CEP89: variants seen among roughly 807,000 people sequenced by gnomAD.
CEP89 encodes centrosomal protein 89.
CEP89 carries 95 observed loss-of-function variants against 97.6 expected under a neutral mutation model. That is an observed-to-expected ratio of 0.97 (90% confidence interval 0.82 to 1.15). CEP89 has a LOEUF of 1.15. CEP89 is among the 50% of genes most tolerant of loss of function. CEP89 has a pLI of 0.00. For missense variants in CEP89, 869 were observed against 947.7 expected, an observed-to-expected ratio of 0.92 and a Z score of 1.09; for synonymous variants, 354 against 349.1, an observed-to-expected ratio of 1.01 and a Z score of -0.16.
At chr19:32,905,492 T>G (rs1284267923) in intron 14 of CEP89, among the ~76,000 whole-genome samples, 1 of 25,524 alleles carries the variant, frequency 3.9e-5, no homozygotes, top group African/African-American at 1.3e-4. Flanking sequence ...CAAAGGAAGA[T>G]TTTTTTTTTT....
intron 3 of CEP89, 61 bp from the exon 4 acceptor site, chr19:32,953,862 A>C: frequency 9.1e-7 from 1 of 1,094,882 alleles, no homozygotes; most frequent in Non-Finnish European, 1.3e-6. Flanking sequence ...GACACTGATA[A>C]ATATCTTTTT....
chr19:32,908,592 G>A (rs1969937530), intron 14 of CEP89, among the ~76,000 whole-genome samples: 1 of 152,226 alleles, frequency 6.6e-6, no homozygotes, highest in Non-Finnish European at 1.5e-5. Context: ...GTAGGAAACT[G>A]AGTGTTTTTG....
intron 2 of CEP89, among the ~76,000 whole-genome samples, chr19:32,961,742 C>G (rs1183836688): frequency 6.6e-6 from 1 of 151,980 alleles, no homozygotes; most frequent in Non-Finnish European, 1.5e-5. Flanking sequence ...CTCCTGGGCT[C>G]AAGTGATCCT....
chr19:32,923,347 AATGTAATTATGT>A (rs755695898), intron 12 of CEP89, 80 bp downstream of exon 12: 240 of 620,478 alleles, frequency 3.9e-4, no homozygotes, highest in Non-Finnish European at 6.3e-4. Flanking sequence ...TTTAGTTAAG[AATGTAATTATGT>A]ATTTGATAAT....
Position 32,959,032 on chromosome 19 carries a change from CA to C in CEP89, c.305+867del, listed in dbSNP as rs1319868364. 3.6e-3 allele frequency among the ~76,000 whole-genome samples: 454 copies of C among 127,690 alleles called. 5 individuals carry two copies. The highest frequency in any genetic ancestry group is 0.012 in the African/African-American group (420 of 33,682). 83.8% of individuals were successfully genotyped at this position (127,690 alleles called of 152,430 possible). A position where few individuals can be genotyped will look rare whatever the true frequency, so the allele number is the denominator to read the frequency against. ...AATTCTGTCTCAAAACAAAACAAAA[CA>C]AAACAAACAAAACAAAAAAAAAAAA... is the stretch of plus-strand genomic sequence containing the variant. On this transcript the variant is annotated intron_variant, in intron 3 of 18. Transcript: ENST00000305768.
chr19:32,940,016 A>T, intron 5 of CEP89, 131 bp from the exon 6 acceptor site: 1 of 510,026 alleles, frequency 2.0e-6, no homozygotes, highest in Non-Finnish European at 3.6e-6. Flanking sequence ...GATAAAATTC[A>T]CAGGGTCACA....
chr19:32,928,741 A>G (rs899515870), intron 9 of CEP89, among the ~76,000 whole-genome samples: 2 of 152,138 alleles, frequency 1.3e-5, no homozygotes, highest in African/African-American at 4.8e-5. Context: ...CTTTCTCTCC[A>G]GGACTCCATT....
rs560379075 is a variant in CEP89, at chr19:32,891,096, G to C, written c.1876-3255C>G. Among the ~76,000 whole-genome samples the C allele has an allele frequency of 1.7e-3, 253 of 152,288 alleles. 2 individuals are homozygous for C. The highest frequency in any genetic ancestry group is 5.5e-3 in the African/African-American group (227 of 41,564). Reference sequence around the variant, plus strand: ...TGCACTGAAGAGGCTGCCCATGAGAGCAAGGGAGCCGAAGCAAGTGCTCCC... The same window carrying C: ...TGCACTGAAGAGGCTGCCCATGAGACCAAGGGAGCCGAAGCAAGTGCTCCC... On this transcript the variant is annotated intron_variant, in intron 16 of 18. Coordinates refer to ENST00000305768, the MANE Select transcript of CEP89 (RefSeq NM_032816.5).
At position 32,953,771 on chromosome 19, in the gene CEP89, T is replaced by A. The variant is rs1225309610; in HGVS notation, c.336A>T (p.Arg112Ser). ...RPNWQSEMGR[R>S]SSLPSFETLD... ...GTGTTTCAAAGGATGGCAAAGAAGATCTTCTTCCCATCTCACTCTGCCAAT... is the reference window on the plus strand; with the variant it reads ...GTGTTTCAAAGGATGGCAAAGAAGAACTTCTTCCCATCTCACTCTGCCAAT... The change falls in exon 4 of 19, where the codon AGA becomes AGT. Residue 112 changes from arginine (R) to serine (S), a missense_variant. Coordinates refer to ENST00000305768, the MANE Select transcript of CEP89 (RefSeq NM_032816.5). 2.5e-6 allele frequency: 4 copies of A among 1,613,934 alleles called. No homozygotes were observed. The highest frequency in any genetic ancestry group is 3.4e-6 in the Non-Finnish European group (4 of 1,179,942).
intron 7 of CEP89, among the ~76,000 whole-genome samples, chr19:32,935,619 A>C (rs945439191): frequency 6.6e-6 from 1 of 152,162 alleles, no homozygotes; most frequent in African/African-American, 2.4e-5. Flanking sequence ...GGTGCAAATA[A>C]AGTTAATCTG....
At chr19:32,898,555 A>G (rs1034258324) in intron 16 of CEP89, among the ~76,000 whole-genome samples, 4 of 152,198 alleles carry the variant, frequency 2.6e-5, no homozygotes, top group African/African-American at 7.2e-5. Context: ...ATAGCTAGCA[A>G]TGAGGACTTG....
intron 18 of CEP89, among the ~76,000 whole-genome samples, chr19:32,881,307 GTAATAA>G (rs57320662): frequency 1.5e-4 from 23 of 150,958 alleles, no homozygotes; most frequent in Non-Finnish European, 1.9e-4. Context: ...TCTATAAGTA[GTAATAA>G]TAATAATAAT....
At chr19:32,898,752 T>C (rs1969698111) in intron 16 of CEP89, among the ~76,000 whole-genome samples, 2 of 151,908 alleles carry the variant, frequency 1.3e-5, no homozygotes, top group South Asian at 4.2e-4. Flanking sequence ...TGTGGTGGCA[T>C]GCACCTGTAG....
chr19:32,927,399 T>C (rs1203687445), intron 9 of CEP89, among the ~76,000 whole-genome samples: 2 of 151,676 alleles, frequency 1.3e-5, no homozygotes, highest in Non-Finnish European at 2.9e-5. Context: ...CAATACTATT[T>C]TCATATATAT....
Position 32,877,203 on chromosome 19 carries a change from C to T in CEP89, c.*1959G>A, listed in dbSNP as rs1340139034. On this transcript the variant is annotated 3_prime_UTR_variant, in exon 19 of 19. Coordinates refer to ENST00000305768, the MANE Select transcript of CEP89 (RefSeq NM_032816.5). ...AAATTACAATGATTCAACTGTTGAA[C>T]AAGCTTATAGAGTCATAAAAGAACT... The T allele has an allele frequency of 6.6e-6, 1 of 152,220 alleles. No homozygotes were observed. The highest frequency in any genetic ancestry group is 1.5e-5 in the Non-Finnish European group (1 of 68,040). The allele number at this position is 152,220 out of a possible 1,614,324, so 9.4% of individuals were successfully genotyped here.
At chr19:32,960,962 G>A (rs1219814756) in intron 2 of CEP89, among the ~76,000 whole-genome samples, 1 of 152,178 alleles carries the variant, frequency 6.6e-6, no homozygotes, top group Non-Finnish European at 1.5e-5. Flanking sequence ...GTAGGATAGA[G>A]TGCCGGAAAG....
chr19:32,943,748 G>A (rs1970736784), intron 5 of CEP89, among the ~76,000 whole-genome samples: 1 of 152,112 alleles, frequency 6.6e-6, no homozygotes, highest in African/African-American at 2.4e-5. Context: ...ACACCACAGA[G>A]TTGAGGAAAT....
At position 32,877,176 on chromosome 19, in the gene CEP89, T is replaced by C. The variant is rs1969190466; in HGVS notation, c.*1986A>G. On this transcript the variant is annotated 3_prime_UTR_variant, in exon 19 of 19. Transcript: ENST00000305768. The stretch of plus-strand genomic sequence containing the variant: ...TCTTTCTACCGCTTGTAAAATAAAA[T>C]TAAATTACAATGATTCAACTGTTGA... 1 of 152,180 alleles carries C rather than the reference T, an allele frequency of 6.6e-6. No homozygotes were observed. The highest frequency in any genetic ancestry group is 2.4e-5 in the African/African-American group (1 of 41,438). 9.4% of individuals were successfully genotyped at this position (152,180 alleles called of 1,614,324 possible).
Position 32,881,889 on chromosome 19 carries a change from A to G in CEP89, c.2090T>C (p.Leu697Pro), listed in dbSNP as rs1393960138. Residue 697 changes from leucine (L) to proline (P), a missense_variant, in exon 18 of 19, where the codon CTG (leucine) becomes CCG (proline). Transcript: ENST00000305768. ...GTCCAGCACCTCCTGCTTGTCCTTC[A>G]GCACCTGGTGCAGGTGCCGCATCTC... ...RQEMRHLHQV[L>P]KDKQEVLDQA... 5 of 1,606,590 alleles carry G rather than the reference A, an allele frequency of 3.1e-6. No homozygotes were observed. In the African/African-American group the frequency reaches 5.3e-5, roughly 17 times the overall value.
Sources: gnomAD v4.1 joint callset for allele counts (sites outside exome capture counted in the v4.1 genomes callset) on GRCh38, gnomAD v4.1.1 for gene constraint, MANE v1.5 for transcripts, NCBI Gene and HGNC (gene_info 2026-07-23, HGNC 2026-07-21) for gene names.